BCAS1: variants seen among roughly 807,000 people sequenced by gnomAD.
BCAS1 encodes the protein brain enriched myelin associated protein 1, also known as breast carcinoma-amplified sequence 1.
BCAS1 carries 46 observed loss-of-function variants against 65.4 expected under a neutral mutation model. The observed-to-expected ratio is 0.70, with a 90% CI of 0.55 to 0.90. The LOEUF (loss-of-function observed/expected upper bound fraction) is 0.90. Among genes scored for constraint, BCAS1 ranks in the 40% least tolerant of loss-of-function variants. BCAS1 has a pLI of 0.00. For missense variants in BCAS1, 793 were observed against 771.2 expected, an observed-to-expected ratio of 1.03 and a Z score of -0.33; for synonymous variants, 298 against 293.5, an observed-to-expected ratio of 1.02 and a Z score of -0.16.
At chr20:54,022,703 T>G (rs2299715) in intron 4 of BCAS1, among the ~76,000 whole-genome samples, 28,546 of 152,178 alleles carry the variant, frequency 0.19, 2,754 homozygotes, top group East Asian at 0.3. Flanking sequence ...TTGTTGGGTT[T>G]TTTTAACAAT....
At chr20:53,949,300 T>C (rs1224973867) in intron 12 of BCAS1, among the ~76,000 whole-genome samples, 1 of 152,192 alleles carries the variant, frequency 6.6e-6, no homozygotes, top group East Asian at 1.9e-4. Context: ...TTTCAAACAG[T>C]TGGACTTTGT....
intron 4 of BCAS1, among the ~76,000 whole-genome samples, chr20:54,023,521 G>C (rs559912045): frequency 1.3e-5 from 2 of 152,350 alleles, no homozygotes; most frequent in African/African-American, 4.8e-5. Flanking sequence ...CAAGAGTGGA[G>C]ATATCTGGTT....
rs1600835603 is a variant in BCAS1 at position 54,002,073 on chromosome 20, T to C, written c.724-6023A>G. Among the ~76,000 whole-genome samples, 3 of 152,242 alleles carry C rather than the reference T, an allele frequency of 2.0e-5. No homozygotes were observed. The East Asian group carries it at 5.8e-4, about 29-fold the overall frequency. On this transcript the variant is annotated intron_variant, in intron 4 of 12. Transcript: ENST00000688948. ...TTTTCCCCCTTCAGTCTTTGCTAGT[T>C]TCCTCATATGAACATATTGGTCAGC...
chr20:54,063,992 G>A (rs887953061), intron 1 of BCAS1, among the ~76,000 whole-genome samples: 1 of 152,212 alleles, frequency 6.6e-6, no homozygotes, highest in Non-Finnish European at 1.5e-5. Context: ...GCTATGGTGG[G>A]TGGAGGGGTG....
chr20:54,067,970 A>G (rs1339853071), intron 1 of BCAS1, among the ~76,000 whole-genome samples: 1 of 152,200 alleles, frequency 6.6e-6, no homozygotes, highest in East Asian at 1.9e-4. Context: ...AGGAGGAAAG[A>G]ACAACCCCGC....
At chr20:53,971,877 G>A (rs965281689) in intron 9 of BCAS1, among the ~76,000 whole-genome samples, 2 of 151,890 alleles carry the variant, frequency 1.3e-5, no homozygotes, top group African/African-American at 4.8e-5. Flanking sequence ...TTAACCAATG[G>A]GCAAAATATT....
At chr20:53,963,534 C>T (rs1184613418) in intron 10 of BCAS1, among the ~76,000 whole-genome samples, 1 of 151,924 alleles carries the variant, frequency 6.6e-6, no homozygotes, top group Non-Finnish European at 1.5e-5. Flanking sequence ...AGCAGAAAAT[C>T]AATGATTTGG....
At chr20:54,021,957 C>G (rs2091569063) in intron 4 of BCAS1, among the ~76,000 whole-genome samples, 1 of 152,174 alleles carries the variant, frequency 6.6e-6, no homozygotes, top group Non-Finnish European at 1.5e-5. Flanking sequence ...GACACAAAGA[C>G]ACAAAGTGAA....
intron 7 of BCAS1, among the ~76,000 whole-genome samples, chr20:53,989,381 T>C (rs1390819174): frequency 6.6e-6 from 1 of 152,242 alleles, no homozygotes; most frequent in Non-Finnish European, 1.5e-5. Flanking sequence ...GTTTGTTGAA[T>C]ATGTATCTCT....
chr20:53,970,009 G>A (rs995156498), intron 9 of BCAS1, among the ~76,000 whole-genome samples: 1 of 152,170 alleles, frequency 6.6e-6, no homozygotes. Flanking sequence ...TAGAAGAGTG[G>A]AGAAATAGAA....
intron 4 of BCAS1, among the ~76,000 whole-genome samples, chr20:54,019,030 ATAAT>A (rs1185200505): frequency 2.0e-5 from 3 of 152,246 alleles, no homozygotes; most frequent in Admixed American, 6.5e-5. Context: ...ATTCAAAAAT[ATAAT>A]TAATTAATTA....
chr20:54,019,328 C>T (rs158539), intron 4 of BCAS1, among the ~76,000 whole-genome samples: 59,614 of 152,046 alleles, frequency 0.39, 11,939 homozygotes, highest in African/African-American at 0.46. Context: ...GGCGTGCTTG[C>T]TGCAGGACTT....
At chr20:54,014,520 G>C (rs1381292082) in intron 4 of BCAS1, among the ~76,000 whole-genome samples, 1 of 152,162 alleles carries the variant, frequency 6.6e-6, no homozygotes, top group Non-Finnish European at 1.5e-5. Flanking sequence ...ATAAGATAAG[G>C]CTTAAAAAGC....
At chr20:53,996,157 C>A in intron 4 of BCAS1, 107 bp from the exon 5 acceptor site, 2 of 1,201,004 alleles carry the variant, frequency 1.7e-6, no homozygotes, top group Non-Finnish European at 2.3e-6. Context: ...TCCAGCCATA[C>A]TTCTTCTGCC....
chr20:53,969,524 G>A (rs1199267674), intron 9 of BCAS1, among the ~76,000 whole-genome samples: 1 of 152,152 alleles, frequency 6.6e-6, no homozygotes, highest in Non-Finnish European at 1.5e-5. Flanking sequence ...TTTGGCCAGA[G>A]TCTTACCACA....
intron 9 of BCAS1, 87 bp from the exon 10 acceptor site, chr20:53,967,160 C>A (rs1337173589): frequency 5.1e-6 from 7 of 1,380,912 alleles, no homozygotes; most frequent in South Asian, 1.3e-5. Context: ...TTGTTGCCCC[C>A]CTGTCCACAT....
intron 12 of BCAS1, among the ~76,000 whole-genome samples, chr20:53,949,096 G>T (rs1259976615): frequency 6.6e-6 from 1 of 152,154 alleles, no homozygotes; most frequent in African/African-American, 2.4e-5. Context: ...CTGGGAAAGG[G>T]CCATCAAAGA....
chr20:54,028,893 A>C lies in BCAS1; in HGVS notation c.222T>G (p.Asp74Glu), dbSNP rs367579124. The change falls in exon 4 of 13, where the codon GAT becomes GAG. Residue 74 changes from aspartate (D) to glutamate (E), a missense_variant. Physicochemically the swap from Asp to Glu is conservative, Grantham distance 45 (BLOSUM62 2). Coordinates refer to ENST00000688948, the MANE Select transcript of BCAS1 (RefSeq NM_001366298.2). ...PETTEISAVA[D>E]ANGKNLGKEA... ...CTTTCCCAAGATTCTTTCCGTTGGCATCCGCAACAGCACTTATCTCCGTTG... is the reference window on the plus strand; with the variant it reads ...CTTTCCCAAGATTCTTTCCGTTGGCCTCCGCAACAGCACTTATCTCCGTTG... 2 of 1,613,632 alleles carry C rather than the reference A, an allele frequency of 1.2e-6. No individual in the cohort carries two copies. Among genetic ancestry groups the C allele is most frequent in the East Asian group, 2.2e-5 (1 of 44,834 alleles).
At chr20:53,994,888 TACACACAC>T (rs11471603) in intron 6 of BCAS1, 116 bp downstream of exon 6, 131,633 of 556,180 alleles carry the variant, frequency 0.24, 12,456 homozygotes, top group South Asian at 0.29. Context: ...ATAGATATGA[TACACACAC>T]ACACACACAC....
Sources: allele counts gnomAD v4.1 joint callset (sites outside exome capture counted in the v4.1 genomes callset), GRCh38; gene constraint gnomAD v4.1.1; transcripts MANE v1.5; gene names NCBI Gene and HGNC (gene_info 2026-07-23, HGNC 2026-07-21).